Variants in CUX1 observed in about 807,000 individuals in gnomAD.
The protein encoded by CUX1 is protein CASP.
CUX1 carries 31 observed loss-of-function variants against 158.8 expected under a neutral mutation model. That is an observed-to-expected ratio of 0.20 (90% CI 0.15 to 0.26). CUX1 has a LOEUF of 0.26. Ranked by LOEUF, CUX1 falls within the 10% of genes least tolerant of loss-of-function variation. The pLI, the probability that CUX1 is intolerant of heterozygous loss-of-function variation, is 1.00. For synonymous variants in CUX1, 879 were observed against 862.1 expected, an observed-to-expected ratio of 1.02 and a Z score of -0.34; for missense variants, 1,589 against 2,014.6, an observed-to-expected ratio of 0.79 and a Z score of 4.04.
chr7:101,840,339 T>G (rs1257988347), intron 1 of CUX1, among the ~76,000 whole-genome samples: 3 of 152,186 alleles, frequency 2.0e-5, no homozygotes, highest in Non-Finnish European at 4.4e-5. Flanking sequence ...GCCCTTTTCT[T>G]TCTCTTTCTA....
intron 13 of CUX1, among the ~76,000 whole-genome samples, chr7:102,194,868 T>C (rs1021841190): frequency 2.0e-5 from 3 of 150,526 alleles, no homozygotes; most frequent in African/African-American, 4.9e-5. Context: ...GCCAAAAATA[T>C]AAAAAATTAG....
chr7:101,821,247 TC>T (rs142508756), intron 1 of CUX1, among the ~76,000 whole-genome samples: 2 of 149,606 alleles, frequency 1.3e-5, no homozygotes, highest in Non-Finnish European at 3.0e-5. Flanking sequence ...GAGAAGATAC[TC>T]CCCCCCGCCC....
At chr7:101,830,504 C>T (rs1793867270) in intron 1 of CUX1, among the ~76,000 whole-genome samples, 1 of 152,160 alleles carries the variant, frequency 6.6e-6, no homozygotes, top group Admixed American at 6.6e-5. Flanking sequence ...CTGTTGTGGA[C>T]TGCAGTGGTG....
intron 2 of CUX1, among the ~76,000 whole-genome samples, chr7:101,919,269 C>T (rs1804605680): frequency 6.6e-6 from 1 of 151,794 alleles, no homozygotes; most frequent in Admixed American, 6.6e-5. Context: ...AGCCTCAGCT[C>T]AGTGCCTGGC....
At chr7:102,150,134 GT>G (rs1465952521) in intron 8 of CUX1, among the ~76,000 whole-genome samples, 1 of 151,842 alleles carries the variant, frequency 6.6e-6, no homozygotes, top group Non-Finnish European at 1.5e-5. Flanking sequence ...CTATTGGTGG[GT>G]TTTTTTTGTT....
intron 7 of CUX1, among the ~76,000 whole-genome samples, chr7:102,113,105 A>G (rs946642565): frequency 2.0e-5 from 3 of 152,250 alleles, no homozygotes; most frequent in Non-Finnish European, 4.4e-5. Context: ...GGATATGAAC[A>G]GTCAGTTCAC....
At chr7:101,858,333 C>G (rs945472833) in intron 1 of CUX1, among the ~76,000 whole-genome samples, 3 of 152,128 alleles carry the variant, frequency 2.0e-5, no homozygotes, top group African/African-American at 7.2e-5. Flanking sequence ...TAGAGGCCGA[C>G]TTTGGTTTGT....
At chr7:102,107,952 C>T (rs1022558331) in intron 6 of CUX1, among the ~76,000 whole-genome samples, 4 of 152,196 alleles carry the variant, frequency 2.6e-5, no homozygotes, top group Non-Finnish European at 4.4e-5. Flanking sequence ...GAAAGGAGTG[C>T]GCATCACAGA....
Position 102,037,884 on chromosome 7 carries a change from A to G in CUX1, c.189+9739A>G, listed in dbSNP as rs529164038. On this transcript the variant is annotated intron_variant, in intron 3 of 23. Coordinates refer to ENST00000292535, the MANE Select transcript of CUX1 (RefSeq NM_181552.4). The stretch of plus-strand genomic sequence containing the variant: ...AGTCTGGGCAACATGGTGAAACCCT[A>G]TCTCTGCTGAAAATACAAAACTTAG... 4.6e-5 allele frequency among the ~76,000 whole-genome samples: 7 copies of G among 151,808 alleles called. No homozygotes were observed. In the East Asian group the frequency reaches 1.2e-3, roughly 26 times the overall value.
intron 20 of CUX1, among the ~76,000 whole-genome samples, chr7:102,216,640 C>T (rs1371794307): frequency 1.7e-5 from 2 of 115,664 alleles, no homozygotes; most frequent in Admixed American, 9.1e-5. Flanking sequence ...CCCCCACACA[C>T]GCACACACAC....
Position 102,205,274 on chromosome 7 carries a change from C to G in CUX1, c.3130+104C>G, listed in dbSNP as rs1367974950. ...GCGAGACTCCGAGGGACCGCACATT[C>G]TGGATTTGGGGAGCTGAAATATGGC... On this transcript the variant is annotated intron_variant, in intron 20 of 23. Coordinates refer to ENST00000292535, the MANE Select transcript of CUX1 (RefSeq NM_181552.4). The G allele has an allele frequency of 5.8e-6, 5 of 866,184 alleles. No individual in the cohort carries two copies. In the African/African-American group the frequency reaches 8.4e-5, roughly 14 times the overall value. The allele number at this position is 866,184 out of a possible 1,614,324, so 53.7% of individuals were successfully genotyped here.
intron 8 of CUX1, among the ~76,000 whole-genome samples, chr7:102,148,691 TTA>T (rs1180566580): frequency 9.5e-5 from 14 of 148,102 alleles, no homozygotes; most frequent in African/African-American, 2.5e-4. Context: ...AATGTATGTG[TTA>T]TATATATATA....
In CUX1 at chr7:102,247,063, A is replaced by G. The variant is rs577869191; in HGVS notation, c.3888-1349A>G. Among the ~76,000 whole-genome samples the G allele has an allele frequency of 2.6e-5, 4 of 152,248 alleles. No individual in the cohort carries two copies. In the South Asian group the frequency reaches 8.3e-4, roughly 32 times the overall value. Reference sequence around the variant, plus strand: ...ATTTTAAAAATTTAGGCATGGTGGTATACACCTGTGGTCCTAGCTACTCAG... The same window carrying G: ...ATTTTAAAAATTTAGGCATGGTGGTGTACACCTGTGGTCCTAGCTACTCAG... On this transcript the variant is annotated intron_variant, in intron 23 of 23. Coordinates refer to ENST00000292535, the MANE Select transcript of CUX1 (RefSeq NM_181552.4).
chr7:102,163,080 A>C (rs903878832), intron 9 of CUX1, among the ~76,000 whole-genome samples: 1 of 152,194 alleles, frequency 6.6e-6, no homozygotes, highest in East Asian at 1.9e-4. Context: ...TCCAGGGAGG[A>C]AAGATGCAAG....
At chr7:102,214,124 C>T (rs1796813361) in intron 20 of CUX1, among the ~76,000 whole-genome samples, 2 of 151,512 alleles carry the variant, frequency 1.3e-5, no homozygotes, top group Admixed American at 6.6e-5. Flanking sequence ...AAGAGCAAAA[C>T]TTCATCTCAA....
intron 1 of CUX1, among the ~76,000 whole-genome samples, chr7:101,849,122 G>A (rs1796003144): frequency 6.6e-6 from 1 of 152,114 alleles, no homozygotes; most frequent in Non-Finnish European, 1.5e-5. Context: ...TAGTTGAGTT[G>A]GGGGTATGAG....
chr7:102,008,447 C>T (rs1182591723), intron 2 of CUX1, among the ~76,000 whole-genome samples: 2 of 152,120 alleles, frequency 1.3e-5, no homozygotes, highest in African/African-American at 2.4e-5. Flanking sequence ...CTTGGGCCCC[C>T]GTTGTAGGCT....
intron 23 of CUX1, 88 bp downstream of exon 23, chr7:102,239,672 G>C: frequency 1.3e-6 from 2 of 1,483,834 alleles, no homozygotes; most frequent in Non-Finnish European, 1.8e-6. Flanking sequence ...CAGGGGTGAG[G>C]CTGGGGCCGG....
intron 2 of CUX1, 85 bp from the exon 3 acceptor site, chr7:102,028,013 C>T (rs1312421880): frequency 1.2e-5 from 17 of 1,427,618 alleles, no homozygotes; most frequent in Middle Eastern, 4.9e-4. Context: ...CTGACTGCCA[C>T]GCTGTTTTTA....
Sources: allele counts gnomAD v4.1 joint callset (sites outside exome capture counted in the v4.1 genomes callset), GRCh38; gene constraint gnomAD v4.1.1; transcripts MANE v1.5; gene names NCBI Gene and HGNC (gene_info 2026-07-23, HGNC 2026-07-21).